The following LAMA1 variants were observed in gnomAD, a reference collection of about 807,000 sequenced individuals.
LAMA1 encodes laminin subunit alpha-1.
In LAMA1, 219 loss-of-function variants were observed where a neutral mutation model predicts 348.7. That is an observed-to-expected ratio of 0.63 (90% CI 0.56 to 0.70). The LOEUF is 0.70. Ranked by LOEUF, LAMA1 falls within the 30% of genes least tolerant of loss-of-function variation. The pLI is 0.00. For missense variants in LAMA1, 3,744 were observed against 3,888.0 expected (o/e 0.96, Z 0.99); for synonymous variants, 1,487 against 1,491.0 (o/e 1.00, Z 0.06).
chr18:6,943,751 G>A (rs1361716299), intron 61 of LAMA1, among the ~76,000 whole-genome samples: 1 of 145,922 alleles, frequency 6.9e-6, no homozygotes, highest in African/African-American at 2.6e-5. Context: ...GCTGAGGCAG[G>A]AAAATCGCTT....
intron 1 of LAMA1, among the ~76,000 whole-genome samples, chr18:7,085,440 C>T (rs2058211373): frequency 1.0e-5 from 1 of 99,306 alleles, no homozygotes; most frequent in Non-Finnish European, 1.8e-5. Context: ...TTTTTTGAGA[C>T]AAGAGTCTTG....
intron 61 of LAMA1, 149 bp downstream of exon 61, chr18:6,947,014 C>T (rs489023): frequency 0.87 from 910,912 of 1,052,488 alleles, 394,901 homozygotes; most frequent in Non-Finnish European, 0.87. Flanking sequence ...AAAAGGTTTT[C>T]TTGTAGCAAT....
chr18:6,995,412 A>G lies in LAMA1; in HGVS notation c.4841T>C (p.Leu1614Pro), dbSNP rs1311733074. Residue 1614 changes from leucine to proline, a missense_variant, in exon 34 of 63, where the codon CTG becomes CCG. Physicochemically the swap from Leu to Pro is moderately conservative, Grantham distance 98. Around this residue, in one of 3 missense-constraint regions of LAMA1, gnomAD observed 1,983 missense variants for 1,934.3 expected, o/e 1.03. Coordinates refer to ENST00000389658, the MANE Select transcript of LAMA1 (RefSeq NM_005559.4). ...SLLKENMQKD[L>P]GKIKLEGVAE... The stretch of plus-strand genomic sequence containing the variant: ...AACACCTTCAAGCTTAATTTTTCCC[A>G]GGTCCTTTTGCATATTTTCTTTTAA... 6.2e-7 allele frequency: 1 copy of G among 1,612,406 alleles called. No individual in the cohort carries two copies. The highest frequency in any genetic ancestry group is 1.3e-5 in the African/African-American group (1 of 75,004).
chr18:7,008,610 T>C lies in LAMA1; in HGVS notation c.4002-2A>G. The C allele has an allele frequency of 6.2e-7, 1 of 1,613,944 alleles. No individual in the cohort carries two copies. The highest frequency in any genetic ancestry group is 8.5e-7 in the Non-Finnish European group (1 of 1,179,930). On this transcript the variant is annotated splice_acceptor_variant, in intron 27 of 62. Transcript: ENST00000389658. LOFTEE classifies it high-confidence loss of function. ...ACCTCCATTGAAATGTCTGAGATTC[T>C]GTGCAGCCATCATGTTAAGAGAGGA...
At chr18:6,968,415 C>T (rs547128770) in intron 48 of LAMA1, among the ~76,000 whole-genome samples, 2 of 152,182 alleles carry the variant, frequency 1.3e-5, no homozygotes, top group Admixed American at 1.3e-4. Context: ...AACTCTGGCC[C>T]CTTGCCACAG....
rs142910482 is a variant in LAMA1, at chr18:7,012,279, G to T, written c.3364-141C>A. 5.5e-5 allele frequency: 47 copies of T among 861,934 alleles called. No homozygotes were observed. The African/African-American group carries it at 5.9e-4, about 11-fold the overall frequency. The allele number at this position is 861,934 out of a possible 1,614,324, so 53.4% of individuals were successfully genotyped here. On this transcript the variant is annotated intron_variant, in intron 23 of 62. Transcript: ENST00000389658. ...ACATTAGTTTCCTCTAGCCAGGCCCGGAGCTTTCTGAGTGTCAGTTTTCTC... is the reference window on the plus strand; with the variant it reads ...ACATTAGTTTCCTCTAGCCAGGCCCTGAGCTTTCTGAGTGTCAGTTTTCTC...
intron 44 of LAMA1, among the ~76,000 whole-genome samples, chr18:6,976,830 A>G (rs781241295): frequency 2.6e-5 from 4 of 151,918 alleles, no homozygotes; most frequent in African/African-American, 4.8e-5. Flanking sequence ...AGCTCATCTC[A>G]AACTCCCGGC....
chr18:6,947,348 T>C (rs749291805), intron 60 of LAMA1, 52 bp from the exon 61 acceptor site: 4 of 1,611,388 alleles, frequency 2.5e-6, no homozygotes, highest in East Asian at 4.5e-5. Flanking sequence ...CAGGCCCAGG[T>C]TGAGCATTTG....
chr18:6,955,526 G>A (rs1444145166), intron 56 of LAMA1, 61 bp from the exon 57 acceptor site: 4 of 1,224,936 alleles, frequency 3.3e-6, no homozygotes, highest in South Asian at 2.5e-5. Flanking sequence ...ACTGACACAC[G>A]CGTGTTCCGC....
At chr18:6,997,628 G>A (rs1000091249) in intron 33 of LAMA1, 114 bp downstream of exon 33, 3 of 1,131,354 alleles carry the variant, frequency 2.7e-6, no homozygotes, top group African/African-American at 3.1e-5. Flanking sequence ...GGGGCTGATG[G>A]AAGTTGGGCT....
chr18:7,029,287 C>T (rs951162754), intron 16 of LAMA1, among the ~76,000 whole-genome samples: 1 of 152,188 alleles, frequency 6.6e-6, no homozygotes. Context: ...GGTCCTCAGA[C>T]AACAGAGTCT....
chr18:7,026,376 G>A (rs1205683332), intron 16 of LAMA1, among the ~76,000 whole-genome samples: 1 of 152,214 alleles, frequency 6.6e-6, no homozygotes, highest in Admixed American at 6.5e-5. Context: ...AAACATGACA[G>A]CAAGTGCTGC....
intron 1 of LAMA1, among the ~76,000 whole-genome samples, chr18:7,096,443 G>A (rs552950411): frequency 8.5e-5 from 13 of 152,204 alleles, no homozygotes; most frequent in East Asian, 7.7e-4. Context: ...TTGAGAAGTC[G>A]GGGCAGGAAG....
chr18:7,029,367 T>C (rs941111947), intron 16 of LAMA1, among the ~76,000 whole-genome samples: 4 of 152,244 alleles, frequency 2.6e-5, no homozygotes, highest in Admixed American at 2.0e-4. Context: ...TAATTCAAGA[T>C]GCAACTGGTC....
intron 19 of LAMA1, 84 bp downstream of exon 19, chr18:7,023,080 G>T: frequency 7.0e-7 from 1 of 1,426,394 alleles, no homozygotes; most frequent in Non-Finnish European, 9.6e-7. Context: ...CCTAGGCGGG[G>T]CCCTGTGTGA....
At chr18:7,075,675 C>T (rs962618609) in intron 3 of LAMA1, among the ~76,000 whole-genome samples, 1 of 151,748 alleles carries the variant, frequency 6.6e-6, no homozygotes, top group Admixed American at 6.6e-5. Flanking sequence ...CGGTGGCTTA[C>T]GCCGGTAATT....
At chr18:6,947,350 G>A in intron 60 of LAMA1, 54 bp from the exon 61 acceptor site, 1 of 1,610,994 alleles carries the variant, frequency 6.2e-7, no homozygotes, top group Admixed American at 1.7e-5. Flanking sequence ...GGCCCAGGTT[G>A]AGCATTTGGC....
intron 3 of LAMA1, among the ~76,000 whole-genome samples, chr18:7,062,788 T>TG (rs2058107738): frequency 6.6e-6 from 1 of 152,164 alleles, no homozygotes; most frequent in African/African-American, 2.4e-5. Flanking sequence ...TCCCCGCTCT[T>TG]GCCTCAGTCC....
intron 40 of LAMA1, 28 bp from the exon 41 acceptor site, chr18:6,982,618 T>C (rs753767745): frequency 1.3e-6 from 2 of 1,592,226 alleles, no homozygotes; most frequent in East Asian, 4.5e-5. Context: ...TTAAGCGTGG[T>C]GAGAGCAGGG....
Sources: allele counts gnomAD v4.1 joint callset (sites outside exome capture counted in the v4.1 genomes callset), GRCh38; gene constraint gnomAD v4.1.1; regional missense constraint gnomAD v4.1.1; transcripts MANE v1.5; gene names NCBI Gene and HGNC (gene_info 2026-07-23, HGNC 2026-07-21).